BTNL8: variants seen among roughly 807,000 people sequenced by gnomAD.
The protein encoded by BTNL8 is butyrophilin-like protein 8.
In BTNL8, 22 loss-of-function variants were observed where a neutral mutation model predicts 36.1. That is an observed-to-expected ratio of 0.61 (90% CI 0.44 to 0.87). BTNL8 has a LOEUF of 0.87. Ranked by LOEUF, BTNL8 falls within the 40% of genes least tolerant of loss-of-function variation. The pLI, the probability that BTNL8 is intolerant of heterozygous loss-of-function variation, is 0.00. For missense variants in BTNL8, 526 were observed against 616.9 expected (o/e 0.85, Z 1.56); for synonymous variants, 203 against 235.6 (o/e 0.86, Z 1.27).
chr5:180,948,093 G>T lies in BTNL8; in HGVS notation c.788-262G>T, dbSNP rs575443497. 36 of 638,654 alleles carry T rather than the reference G, an allele frequency of 5.6e-5. No individual in the cohort carries two copies. The East Asian group carries it at 1.1e-3, about 19-fold the overall frequency. The allele number at this position is 638,654 out of a possible 1,614,324, so 39.6% of individuals were successfully genotyped here. A position where few individuals can be genotyped will look rare whatever the true frequency, so the allele number is the denominator to read the frequency against. Reference sequence around the variant, plus strand: ...GAGGCCACCCCCGCCTCCCCTCCCAGCTGCCTTCTCCCATCTCCATCCCCA... The same window carrying T: ...GAGGCCACCCCCGCCTCCCCTCCCATCTGCCTTCTCCCATCTCCATCCCCA... On this transcript the variant is annotated intron_variant, in intron 4 of 7. Transcript: ENST00000340184.
chr5:180,912,974 G>C (rs1366072551), intron 3 of BTNL8, among the ~76,000 whole-genome samples: 3 of 152,132 alleles, frequency 2.0e-5, no homozygotes, highest in African/African-American at 7.2e-5. Flanking sequence ...TTCCATGAGT[G>C]CCCTGAAAGA....
intron 3 of BTNL8, among the ~76,000 whole-genome samples, chr5:180,929,682 A>T (rs1237628883): frequency 6.6e-6 from 1 of 152,198 alleles, no homozygotes; most frequent in Non-Finnish European, 1.5e-5. Context: ...AATACTATAA[A>T]TCCCTCTACA....
chr5:180,908,837 C>A lies in BTNL8; in HGVS notation c.301C>A (p.Leu101Met). The change falls in exon 2 of 8, where the codon CTG becomes ATG. Residue 101 changes from leucine (L) to methionine (M), a missense_variant. Around this residue, in one of 2 missense-constraint regions of BTNL8, gnomAD observed 350 missense variants for 324.6 expected, o/e 1.08. Transcript: ENST00000340184. ...SIAEGRISLRLENITVLDAGL... is the reference protein window; with the variant it reads ...SIAEGRISLRMENITVLDAGL... Reference sequence around the variant, plus strand: ...TGCGGAGGGGCGCATCTCTCTGAGGCTGGAAAACATTACTGTGTTGGATGC... The same window carrying A: ...TGCGGAGGGGCGCATCTCTCTGAGGATGGAAAACATTACTGTGTTGGATGC... 6.2e-7 allele frequency: 1 copy of A among 1,614,146 alleles called. No individual in the cohort carries two copies. The highest frequency in any genetic ancestry group is 1.3e-5 in the African/African-American group (1 of 75,022).
At chr5:180,949,458 G>T (rs1759443228) in intron 7 of BTNL8, 193 bp downstream of exon 7, 6 of 919,884 alleles carry the variant, frequency 6.5e-6, no homozygotes, top group African/African-American at 5.1e-5. Context: ...GGTCTAGAAG[G>T]GGAGAAGACA....
intron 3 of BTNL8, among the ~76,000 whole-genome samples, chr5:180,923,587 G>C: frequency 6.6e-6 from 1 of 151,864 alleles, no homozygotes; most frequent in East Asian, 1.9e-4. Context: ...TTTAAACCCA[G>C]GAACTTAATG....
At chr5:180,945,941 T>A (rs1759218168) in intron 3 of BTNL8, 1 of 194,414 alleles carries the variant, frequency 5.1e-6, no homozygotes, top group African/African-American at 2.3e-5. Flanking sequence ...CCAAGGCATC[T>A]ACGCAATGAA....
chr5:180,942,616 C>G (rs1349701060), intron 3 of BTNL8, among the ~76,000 whole-genome samples: 1 of 152,048 alleles, frequency 6.6e-6, no homozygotes, highest in East Asian at 1.9e-4. Context: ...AGACAGAATA[C>G]AAAACCCAGA....
At chr5:180,904,871 G>A (rs1208302520) in intron 1 of BTNL8, among the ~76,000 whole-genome samples, 1 of 152,034 alleles carries the variant, frequency 6.6e-6, no homozygotes, top group Non-Finnish European at 1.5e-5. Flanking sequence ...TCCCAGGGAT[G>A]AAGCCCACTT....
Position 180,908,599 on chromosome 5 carries a change from G to A in BTNL8, c.63G>A (p.Val21=), listed in dbSNP as rs1757227069. Residue 21 remains valine, a synonymous_variant, in exon 2 of 8, where the codon GTG becomes GTA. Transcript: ENST00000340184. ...LLKLGSGQWQ[V]FGPDKPVQAL... Reference sequence around the variant, plus strand: ...GTCTTCCCACAGGGCAGTGGCAGGTGTTTGGGCCAGACAAGCCTGTCCAGG... The same window carrying A: ...GTCTTCCCACAGGGCAGTGGCAGGTATTTGGGCCAGACAAGCCTGTCCAGG... 1.2e-6 allele frequency: 2 copies of A among 1,613,822 alleles called. No homozygotes were observed. The highest frequency in any genetic ancestry group is 4.5e-5 in the East Asian group (2 of 44,888).
chr5:180,902,428 T>C (rs1378820181), intron 1 of BTNL8: 4 of 1,541,492 alleles, frequency 2.6e-6, no homozygotes, highest in Non-Finnish European at 3.5e-6. Flanking sequence ...AGTCACTGGC[T>C]TTAGAAATAG....
intron 3 of BTNL8, among the ~76,000 whole-genome samples, chr5:180,938,684 C>T (rs979549246): frequency 4.6e-5 from 7 of 151,678 alleles, no homozygotes; most frequent in Non-Finnish European, 8.8e-5. Context: ...ATTACAGGCA[C>T]GCACCACCAC....
At chr5:180,915,951 C>T (rs1197441111) in intron 3 of BTNL8, among the ~76,000 whole-genome samples, 1 of 152,144 alleles carries the variant, frequency 6.6e-6, no homozygotes, top group Non-Finnish European at 1.5e-5. Flanking sequence ...TGTCTTAGTC[C>T]ACTTTATGCT....
At chr5:180,938,591 C>G (rs4701012) in intron 3 of BTNL8, among the ~76,000 whole-genome samples, 67,230 of 149,758 alleles carry the variant, frequency 0.45, 16,120 homozygotes, top group African/African-American at 0.63. Flanking sequence ...AGGCTGGAAT[C>G]CACTGGCACG....
At chr5:180,903,072 C>T (rs1756904827) in intron 1 of BTNL8, among the ~76,000 whole-genome samples, 2 of 118,784 alleles carry the variant, frequency 1.7e-5, no homozygotes, top group Admixed American at 8.2e-5. Flanking sequence ...ATGGTATTTC[C>T]AGTTCTAGTT....
In BTNL8 at chr5:180,908,798, G is replaced by A; in HGVS notation, c.262G>A (p.Val88Met). 1.2e-6 allele frequency: 2 copies of A among 1,614,208 alleles called. No homozygotes were observed. Among genetic ancestry groups the A allele is most frequent in the African/African-American group, 2.7e-5 (2 of 75,058 alleles). ...MPQYQGRTKL[V>M]KDSIAEGRIS... Reference sequence around the variant, plus strand: ...ACAGTATCAAGGCAGGACAAAACTGGTGAAGGATTCTATTGCGGAGGGGCG... The same window carrying A: ...ACAGTATCAAGGCAGGACAAAACTGATGAAGGATTCTATTGCGGAGGGGCG... Residue 88 changes from valine to methionine, a missense_variant, in exon 2 of 8, where the codon GTG becomes ATG. Val to Met is a conservative substitution (Grantham distance 21). Transcript: ENST00000340184.
chr5:180,928,405 A>G (rs950984904), intron 3 of BTNL8, among the ~76,000 whole-genome samples: 3 of 152,164 alleles, frequency 2.0e-5, no homozygotes, highest in East Asian at 1.9e-4. Context: ...AACTGCATCA[A>G]CTAATGGGCA....
chr5:180,913,849 A>G (rs1204873504), intron 3 of BTNL8, among the ~76,000 whole-genome samples: 1 of 152,226 alleles, frequency 6.6e-6, no homozygotes, highest in African/African-American at 2.4e-5. Context: ...GCTAGACCTT[A>G]GGAAAGACTG....
intron 1 of BTNL8, among the ~76,000 whole-genome samples, chr5:180,908,216 C>A (rs963213896): frequency 6.6e-6 from 1 of 152,172 alleles, no homozygotes. Context: ...TCTCGTGGTG[C>A]GCCGTTTCTT....
At position 180,926,603 on chromosome 5, in the gene BTNL8, T is replaced by G. The variant is rs997645294; in HGVS notation, c.673+14989T>G. Among the ~76,000 whole-genome samples, 5 of 152,330 alleles carry G rather than the reference T, an allele frequency of 3.3e-5. No individual in the cohort carries two copies. In the South Asian group the frequency reaches 6.2e-4, roughly 19 times the overall value. ...AATTCTCACTGGCAGCAGAGCAGTCTGGGGTCAACCCAGGACACTCGAGCT... is the reference window on the plus strand; with the variant it reads ...AATTCTCACTGGCAGCAGAGCAGTCGGGGGTCAACCCAGGACACTCGAGCT... On this transcript the variant is annotated intron_variant, in intron 3 of 7. Transcript: ENST00000340184.
Sources: allele counts gnomAD v4.1 joint callset (sites outside exome capture counted in the v4.1 genomes callset), GRCh38; gene constraint gnomAD v4.1.1; regional missense constraint gnomAD v4.1.1; transcripts MANE v1.5; gene names NCBI Gene and HGNC (gene_info 2026-07-23, HGNC 2026-07-21).